Variants in ENTREP2 observed in about 807,000 individuals in gnomAD.
The protein encoded by ENTREP2 is protein ENTREP2.
chr15:29,368,340 AT>A, the ENTREP2 span, among the ~76,000 whole-genome samples: 42 of 134,366 alleles, frequency 3.1e-4, no homozygotes, highest in African/African-American at 1.3e-3. Context: ...AAAAAAAAAT[AT>A]ATATATATAT....
At chr15:29,145,646 C>A in the ENTREP2 span, among the ~76,000 whole-genome samples, 292 of 68,646 alleles carry the variant, frequency 4.3e-3, 1 homozygote, top group East Asian at 0.03. Context: ...AAAAAAAAAA[C>A]AACCAACAAA....
At chr15:29,519,479 T>A in the ENTREP2 span, among the ~76,000 whole-genome samples, 2 of 152,130 alleles carry the variant, frequency 1.3e-5, no homozygotes, top group Non-Finnish European at 1.5e-5. Flanking sequence ...GATGAAGACC[T>A]TTATGATGAC....
the ENTREP2 span, among the ~76,000 whole-genome samples, chr15:29,440,543 C>G: frequency 6.6e-6 from 1 of 152,364 alleles, no homozygotes; most frequent in Non-Finnish European, 1.5e-5. Flanking sequence ...CCACATCTTA[C>G]TGGAGAAAAC....
At chr15:29,673,592 A>G in the ENTREP2 span, among the ~76,000 whole-genome samples, 1 of 152,274 alleles carries the variant, frequency 6.6e-6, no homozygotes, top group African/African-American at 2.4e-5. Flanking sequence ...CTCAGGAGCA[A>G]TTTGGGATGG....
chr15:29,380,064 G>T, the ENTREP2 span, among the ~76,000 whole-genome samples: 5,321 of 151,848 alleles, frequency 0.035, 140 homozygotes, highest in African/African-American at 0.074. Context: ...CAAGGGGCTG[G>T]GGGGAGGTGG....
chr15:29,612,991 C>T, the ENTREP2 span, among the ~76,000 whole-genome samples: 6 of 152,280 alleles, frequency 3.9e-5, no homozygotes, highest in South Asian at 1.2e-3. Flanking sequence ...ACTGGTGATG[C>T]TACGACCTGA....
the ENTREP2 span, among the ~76,000 whole-genome samples, chr15:29,352,444 T>A: frequency 6.6e-6 from 1 of 152,222 alleles, no homozygotes; most frequent in African/African-American, 2.4e-5. Context: ...TTTTGACAGT[T>A]GCCAAAGCAG....
the ENTREP2 span, among the ~76,000 whole-genome samples, chr15:29,447,342 C>T: frequency 6.6e-6 from 1 of 152,198 alleles, no homozygotes; most frequent in African/African-American, 2.4e-5. Flanking sequence ...AGTGGGCATG[C>T]CTTTACTCAT....
chr15:29,137,826 G>A, the ENTREP2 span, among the ~76,000 whole-genome samples: 3 of 152,178 alleles, frequency 2.0e-5, no homozygotes, highest in African/African-American at 7.2e-5. Context: ...ACAGACTGGA[G>A]TGTTTTTGAG....
chr15:29,508,049 A>C, the ENTREP2 span, among the ~76,000 whole-genome samples: 1 of 152,178 alleles, frequency 6.6e-6, no homozygotes, highest in African/African-American at 2.4e-5. Context: ...AGACACAATA[A>C]AAAATGATAA....
At chr15:29,155,854 A>G in the ENTREP2 span, among the ~76,000 whole-genome samples, 26,089 of 151,752 alleles carry the variant, frequency 0.17, 3,543 homozygotes, top group African/African-American at 0.37. Flanking sequence ...GTTAAATCCA[A>G]TGTCCTGCTA....
At chr15:29,524,396 G>C in the ENTREP2 span, among the ~76,000 whole-genome samples, 3 of 152,172 alleles carry the variant, frequency 2.0e-5, no homozygotes, top group Non-Finnish European at 4.4e-5. Context: ...ATGTGAAGTA[G>C]AACCCCCACA....
the ENTREP2 span, among the ~76,000 whole-genome samples, chr15:29,346,104 C>T: frequency 1.8e-3 from 267 of 152,304 alleles, 1 homozygote; most frequent in Admixed American, 3.3e-3. Context: ...CCCATGCACT[C>T]AAAGGCAGAA....
At chr15:29,120,479 T>G in the ENTREP2 span, 1 of 152,210 alleles carries the variant, frequency 6.6e-6, no homozygotes, top group African/African-American at 2.4e-5. Flanking sequence ...TTAATGTGGA[T>G]CCTCATCTCC....
chr15:29,514,625 C>T, the ENTREP2 span, among the ~76,000 whole-genome samples: 6 of 152,300 alleles, frequency 3.9e-5, no homozygotes, highest in Non-Finnish European at 7.4e-5. Context: ...GCCCTCTGTC[C>T]ACCTTCTCTG....
At chr15:29,196,583 A>T in the ENTREP2 span, 1 of 1,540,846 alleles carries the variant, frequency 6.5e-7, no homozygotes, top group Admixed American at 2.0e-5. Context: ...AGGAACACAG[A>T]CAGACCTCAC....
the ENTREP2 span, among the ~76,000 whole-genome samples, chr15:29,512,789 T>C: frequency 6.6e-6 from 1 of 152,176 alleles, no homozygotes; most frequent in Non-Finnish European, 1.5e-5. Context: ...GGTATCCCAT[T>C]AGAGAGCAGC....
chr15:29,156,858 T>A, the ENTREP2 span, among the ~76,000 whole-genome samples: 1 of 151,992 alleles, frequency 6.6e-6, no homozygotes, highest in East Asian at 1.9e-4. Context: ...CAGTGGCTCA[T>A]GCGAGGCGGG....
At chr15:29,664,877 C>T in the ENTREP2 span, among the ~76,000 whole-genome samples, 5 of 152,232 alleles carry the variant, frequency 3.3e-5, no homozygotes, top group Admixed American at 1.3e-4. Context: ...TCAGATGTTA[C>T]ACTGTCTGGG....
Sources: gnomAD v4.1 joint callset for allele counts (sites outside exome capture counted in the v4.1 genomes callset) on GRCh38, gnomAD v4.1.1 for gene constraint, MANE v1.5 for transcripts, NCBI Gene and HGNC (gene_info 2026-07-23, HGNC 2026-07-21) for gene names.